PARP15: variants seen among roughly 807,000 people sequenced by gnomAD.
PARP15 encodes poly(ADP-ribose) polymerase family member 15, also known as protein mono-ADP-ribosyltransferase PARP15.
In PARP15, 50 loss-of-function variants were observed where a neutral mutation model predicts 62.1. That is an observed-to-expected ratio of 0.81 (90% CI 0.64 to 1.02). The LOEUF (loss-of-function observed/expected upper bound fraction) is 1.02, where lower values mean the gene tolerates loss of function less well. Ranked by LOEUF, PARP15 falls within the 50% of genes least tolerant of loss-of-function variation. The pLI is 0.00. For missense variants in PARP15, 820 were observed against 826.5 expected (o/e 0.99, Z 0.10); for synonymous variants, 309 against 293.1 (o/e 1.05, Z -0.55).
intron 1 of PARP15, among the ~76,000 whole-genome samples, chr3:122,589,475 T>G (rs1460560222): frequency 2.6e-5 from 4 of 152,238 alleles, no homozygotes; most frequent in Admixed American, 2.6e-4. Context: ...AGTCACATGG[T>G]AACTAACTTT....
intron 1 of PARP15, among the ~76,000 whole-genome samples, chr3:122,597,823 C>T (rs1210784515): frequency 6.6e-6 from 1 of 152,104 alleles, no homozygotes; most frequent in Non-Finnish European, 1.5e-5. Flanking sequence ...TGCCAAAATC[C>T]ATGGATCCTC....
intron 1 of PARP15, among the ~76,000 whole-genome samples, chr3:122,583,653 T>C (rs1256115414): frequency 6.6e-6 from 1 of 152,224 alleles, no homozygotes; most frequent in Non-Finnish European, 1.5e-5. Context: ...AGGCTTGCTT[T>C]TAAGCTTTGT....
At chr3:122,623,084 T>C (rs1936453001) in intron 8 of PARP15, among the ~76,000 whole-genome samples, 1 of 152,204 alleles carries the variant, frequency 6.6e-6, no homozygotes, top group Non-Finnish European at 1.5e-5. Flanking sequence ...GATAACCTTT[T>C]GTTATAACCT....
At chr3:122,581,744 G>A (rs1163324864) in intron 1 of PARP15, among the ~76,000 whole-genome samples, 1 of 152,072 alleles carries the variant, frequency 6.6e-6, no homozygotes, top group Non-Finnish European at 1.5e-5. Flanking sequence ...TTTGCTTCAC[G>A]TAGTCCATTT....
intron 4 of PARP15, among the ~76,000 whole-genome samples, chr3:122,614,505 A>T (rs1441948964): frequency 2.6e-5 from 4 of 152,214 alleles, no homozygotes; most frequent in Non-Finnish European, 2.9e-5. Flanking sequence ...ATAATATTTT[A>T]AAAAACAACA....
In PARP15 at chr3:122,619,928, G is replaced by A. The variant is rs1410572620; in HGVS notation, c.1063+85G>A. ...GAGAGGATGTACAGGAGGACTGGAG[G>A]TGGAGTAAGTAGCGAGCAAAACTTT... is the stretch of plus-strand genomic sequence containing the variant. On this transcript the variant is annotated intron_variant, in intron 7 of 11. Coordinates refer to ENST00000464300, the MANE Select transcript of PARP15 (RefSeq NM_001113523.3). 3.1e-6 allele frequency: 4 copies of A among 1,287,306 alleles called. No homozygotes were observed. In the African/African-American group the frequency reaches 4.4e-5, roughly 14 times the overall value. 79.7% of individuals were successfully genotyped at this position (1,287,306 alleles called of 1,614,324 possible).
rs779810011 is a variant in PARP15, at chr3:122,613,016, T to C, written c.544-25T>C. On this transcript the variant is annotated intron_variant, in intron 3 of 11. Transcript: ENST00000464300. ...TTCCGCTAGCTTAAGCCCTAACTTA[T>C]GTAAATGTACTTTGCACATTTCAGA... The C allele has an allele frequency of 8.9e-5, 136 of 1,525,386 alleles. No individual in the cohort carries two copies. The Middle Eastern group carries it at 1.0e-3, about 11-fold the overall frequency. 94.5% of individuals were successfully genotyped at this position (1,525,386 alleles called of 1,614,324 possible). A position where few individuals can be genotyped will look rare whatever the true frequency, so the allele number is the denominator to read the frequency against.
At chr3:122,617,198 G>T in intron 6 of PARP15, 34 bp downstream of exon 6, 2 of 1,574,564 alleles carry the variant, frequency 1.3e-6, no homozygotes, top group Non-Finnish European at 1.7e-6. Context: ...GTAATTATTA[G>T]TATGACTAAT....
At chr3:122,608,746 T>C (rs1305334541) in intron 2 of PARP15, among the ~76,000 whole-genome samples, 1 of 152,014 alleles carries the variant, frequency 6.6e-6, no homozygotes, top group African/African-American at 2.4e-5. Context: ...TTTGAATTGA[T>C]TTAAACATTA....
chr3:122,591,588 G>A (rs7643998), intron 1 of PARP15, among the ~76,000 whole-genome samples: 128,930 of 151,712 alleles, frequency 0.85, 54,950 homozygotes, highest in East Asian at 0.94. Context: ...TGGTGAAACT[G>A]CATCTCTACT....
chr3:122,632,752 G>A (rs760349975), intron 10 of PARP15, among the ~76,000 whole-genome samples: 4 of 152,198 alleles, frequency 2.6e-5, no homozygotes, highest in Non-Finnish European at 5.9e-5. Context: ...AACCATCTCC[G>A]TGTCTAGGGA....
chr3:122,599,315 G>A (rs1014881786), intron 1 of PARP15, among the ~76,000 whole-genome samples: 4 of 151,746 alleles, frequency 2.6e-5, no homozygotes, highest in Non-Finnish European at 5.9e-5. Flanking sequence ...AGGCTGCAGT[G>A]AGCCATGATA....
chr3:122,592,472 A>G (rs967464832), intron 1 of PARP15, among the ~76,000 whole-genome samples: 1 of 152,158 alleles, frequency 6.6e-6, no homozygotes, highest in African/African-American at 2.4e-5. Context: ...AACATTAGGA[A>G]AAATAGCTAA....
intron 8 of PARP15, among the ~76,000 whole-genome samples, chr3:122,622,231 T>C (rs758216661): frequency 1.3e-5 from 2 of 152,228 alleles, no homozygotes; most frequent in South Asian, 4.1e-4. Context: ...CTGCATTGAC[T>C]CCCAAATCAG....
chr3:122,615,506 T>C (rs1935902020), intron 4 of PARP15: 1 of 1,155,802 alleles, frequency 8.7e-7, no homozygotes, highest in South Asian at 1.6e-5. Context: ...AAAAAAGGCA[T>C]GTGACTTCCT....
intron 1 of PARP15, among the ~76,000 whole-genome samples, chr3:122,597,309 G>A (rs1394007080): frequency 2.0e-5 from 3 of 151,802 alleles, no homozygotes; most frequent in Non-Finnish European, 4.4e-5. Context: ...TTCAACATCA[G>A]TTTTGGAGGG....
At chr3:122,612,008 CT>C (rs1935601425) in intron 3 of PARP15, among the ~76,000 whole-genome samples, 2 of 148,324 alleles carry the variant, frequency 1.3e-5, no homozygotes. Flanking sequence ...GCCACCACAA[CT>C]GGACAGCATA....
At chr3:122,626,704 G>A (rs1407980414) in intron 8 of PARP15, 123 bp from the exon 9 acceptor site, 1 of 792,284 alleles carries the variant, frequency 1.3e-6, no homozygotes, top group Non-Finnish European at 2.0e-6. Context: ...AGCTGTGAGT[G>A]TCAGATCAAT....
At chr3:122,606,089 A>T in intron 2 of PARP15, 34 bp downstream of exon 2, 2 of 1,541,352 alleles carry the variant, frequency 1.3e-6, no homozygotes. Flanking sequence ...CTACCAAGGA[A>T]CAGTGGGATC....
Sources: gnomAD v4.1 joint callset for allele counts (sites outside exome capture counted in the v4.1 genomes callset) on GRCh38, gnomAD v4.1.1 for gene constraint, MANE v1.5 for transcripts, NCBI Gene and HGNC (gene_info 2026-07-23, HGNC 2026-07-21) for gene names.